The following PYGB variants were observed in gnomAD, a reference collection of about 807,000 sequenced individuals.
PYGB encodes the protein glycogen phosphorylase B.
In PYGB, 82 loss-of-function variants were observed where a neutral mutation model predicts 94.3. The observed-to-expected ratio is 0.87, with a 90% CI of 0.73 to 1.04. The LOEUF is 1.04. Ranked by LOEUF, PYGB falls within the 50% of genes least tolerant of loss-of-function variation. The pLI is 0.00. For missense variants in PYGB, 1,132 were observed against 1,158.2 expected (o/e 0.98, Z 0.33); for synonymous variants, 488 against 479.1 (o/e 1.02, Z -0.24).
chr20:25,288,844 A>C (rs1600740715), intron 15 of PYGB, among the ~76,000 whole-genome samples: 2 of 152,112 alleles, frequency 1.3e-5, no homozygotes, highest in South Asian at 4.1e-4. Context: ...GTTTCAGTTC[A>C]CTTTATTTAC....
chr20:25,290,674 G>C, intron 16 of PYGB, 52 bp downstream of exon 16: 1 of 1,582,734 alleles, frequency 6.3e-7, no homozygotes, highest in Non-Finnish European at 8.7e-7. Context: ...CCGGGGAACG[G>C]GCGTTGTACT....
intron 17 of PYGB, among the ~76,000 whole-genome samples, chr20:25,293,306 TTC>T (rs1328642349): frequency 1.3e-5 from 2 of 152,036 alleles, no homozygotes; most frequent in East Asian, 3.9e-4. Context: ...TCCACCGGGG[TTC>T]TGTTACTGTC....
At chr20:25,284,309 C>T (rs1180659985) in intron 14 of PYGB, 58 bp downstream of exon 14, 13 of 1,580,322 alleles carry the variant, frequency 8.2e-6, no homozygotes, top group East Asian at 6.8e-5. Flanking sequence ...TGCCCTTGCC[C>T]GCCAGCTGTG....
intron 2 of PYGB, among the ~76,000 whole-genome samples, chr20:25,266,104 G>A (rs1216980734): frequency 6.6e-6 from 1 of 152,134 alleles, no homozygotes; most frequent in Non-Finnish European, 1.5e-5. Context: ...GCCTGCCTTG[G>A]CCTCCCAAAG....
At position 25,295,650 on chromosome 20, in the gene PYGB, C is replaced by A. The variant is rs2088530103; in HGVS notation, c.2359C>A (p.Gln787Lys). The change falls in exon 19 of 20, where the codon CAG becomes AAG. Residue 787 changes from glutamine (Q) to lysine (K), a missense_variant. Gln to Lys is a moderately conservative substitution (Grantham distance 53). Transcript: ENST00000216962. ...TGAAGCCTACATGCAGTGCCAGGCA[C>A]AGGTGGACCAGCTGTACCGGGTGAG... ...DYEAYMQCQA[Q>K]VDQLYRNPKE... is the part of the protein sequence containing the mutation. 6.2e-7 allele frequency: 1 copy of A among 1,613,924 alleles called. No individual in the cohort carries two copies. The highest frequency in any genetic ancestry group is 1.3e-5 in the African/African-American group (1 of 74,936).
At chr20:25,254,251 C>T (rs915007618) in intron 1 of PYGB, among the ~76,000 whole-genome samples, 2 of 151,986 alleles carry the variant, frequency 1.3e-5, no homozygotes, top group Non-Finnish European at 1.5e-5. Flanking sequence ...CACCAGCTGT[C>T]CTGCTTAATA....
Position 25,279,196 on chromosome 20 carries a change from G to T in PYGB, c.1092+47G>T, listed in dbSNP as rs115525432. 13 of 1,572,406 alleles carry T rather than the reference G, an allele frequency of 8.3e-6. No homozygotes were observed. The African/African-American group carries it at 1.2e-4, about 15-fold the overall frequency. On this transcript the variant is annotated intron_variant, in intron 9 of 19. Transcript: ENST00000216962. ...GGCACCTCCCCAGAGCCTGGAGCCC[G>T]TGCAGACCAGGGCTACAAGGAGCTG...
chr20:25,269,046 A>T, intron 2 of PYGB, 83 bp from the exon 3 acceptor site: 2 of 1,215,470 alleles, frequency 1.6e-6, no homozygotes, highest in Non-Finnish European at 2.4e-6. Context: ...GCATAAGCTC[A>T]CAAGACTTAC....
At chr20:25,274,816 G>T in intron 5 of PYGB, 93 bp downstream of exon 5, 2 of 1,511,956 alleles carry the variant, frequency 1.3e-6, no homozygotes, top group Non-Finnish European at 1.8e-6. Flanking sequence ...TTTTGGCTTG[G>T]GGGGCTTGCT....
chr20:25,282,175 TGG>T, intron 12 of PYGB, 28 bp downstream of exon 12: 1 of 1,555,510 alleles, frequency 6.4e-7, no homozygotes, highest in Non-Finnish European at 8.8e-7. Flanking sequence ...CCCGTGCCTG[TGG>T]AGATGCCTGG....
intron 19 of PYGB, 151 bp from the exon 20 acceptor site, chr20:25,296,219 C>G: frequency 2.1e-6 from 2 of 966,824 alleles, no homozygotes; most frequent in Non-Finnish European, 3.1e-6. Context: ...CCCTTTTCAA[C>G]GAACAAGTGA....
intron 1 of PYGB, among the ~76,000 whole-genome samples, chr20:25,253,961 A>G (rs1046050403): frequency 3.9e-5 from 6 of 151,978 alleles, no homozygotes; most frequent in Non-Finnish European, 7.4e-5. Context: ...AGTCCCAGGT[A>G]CTTGGGGGAC....
intron 8 of PYGB, 124 bp downstream of exon 8, chr20:25,278,586 C>A: frequency 7.5e-7 from 1 of 1,336,028 alleles, no homozygotes; most frequent in Non-Finnish European, 1.0e-6. Flanking sequence ...GTCTTGGGGT[C>A]TCGTCATTCT....
At chr20:25,283,445 GTC>G (rs1433757427) in intron 13 of PYGB, among the ~76,000 whole-genome samples, 168 bp downstream of exon 13, 1 of 152,178 alleles carries the variant, frequency 6.6e-6, no homozygotes, top group Admixed American at 6.5e-5. Context: ...GTTGCCTGAG[GTC>G]TCTCCACCCC....
At chr20:25,263,725 A>T (rs1405304341) in intron 2 of PYGB, among the ~76,000 whole-genome samples, 1 of 152,220 alleles carries the variant, frequency 6.6e-6, no homozygotes, top group Non-Finnish European at 1.5e-5. Context: ...CCCAAGACTA[A>T]ACCAGGAAGA....
chr20:25,287,228 G>A (rs1270116712), intron 14 of PYGB, among the ~76,000 whole-genome samples: 3 of 152,244 alleles, frequency 2.0e-5, no homozygotes, highest in African/African-American at 4.8e-5. Context: ...GCCCTCACCC[G>A]CTGTCCCAGT....
At chr20:25,277,692 C>G (rs2088326248) in intron 7 of PYGB, among the ~76,000 whole-genome samples, 1 of 152,234 alleles carries the variant, frequency 6.6e-6, no homozygotes, top group African/African-American at 2.4e-5. Context: ...GCCACTTCCC[C>G]AAGCAGGTGA....
chr20:25,274,616 C>T lies in PYGB; in HGVS notation c.553C>T (p.Arg185Cys), dbSNP rs201326100. 4.3e-6 allele frequency: 7 copies of T among 1,613,442 alleles called. No homozygotes were observed. Among genetic ancestry groups the T allele is most frequent in the Non-Finnish European group, 5.1e-6 (6 of 1,179,890 alleles). The stretch of plus-strand genomic sequence containing the variant: ...GGTAGAGGAGGCCGATGACTGGCTG[C>T]GCTACGGCAACCCCTGGGAGAAAGC... ...WQVEEADDWL[R>C]YGNPWEKARP... Residue 185 changes from arginine (R) to cysteine (C), a missense_variant, in exon 5 of 20, where the codon CGC becomes TGC. Transcript: ENST00000216962.
At chr20:25,290,095 G>A (rs1201753372) in intron 15 of PYGB, among the ~76,000 whole-genome samples, 1 of 152,234 alleles carries the variant, frequency 6.6e-6, no homozygotes, top group East Asian at 1.9e-4. Flanking sequence ...CGGGTTGTCT[G>A]TCCGCCGTAG....
Sources: allele counts gnomAD v4.1 joint callset (sites outside exome capture counted in the v4.1 genomes callset), GRCh38; gene constraint gnomAD v4.1.1; transcripts MANE v1.5; gene names NCBI Gene and HGNC (gene_info 2026-07-23, HGNC 2026-07-21).